The following AMOT variants were observed in gnomAD, a reference collection of about 807,000 sequenced individuals.
The protein encoded by AMOT is angiomotin.
A neutral mutation model predicts 67.0 loss-of-function variants in AMOT; 11 were observed. The ratio of observed to expected loss-of-function variants is 0.16; its 90% CI spans 0.10 to 0.27. AMOT has a LOEUF of 0.27. AMOT is among the 10% of genes least tolerant of loss of function. The pLI, the probability that AMOT is intolerant of heterozygous loss-of-function variation, is 1.00. For missense variants in AMOT, 753 were observed against 852.0 expected, an observed-to-expected ratio of 0.88 and a Z score of 1.45; for synonymous variants, 326 against 321.4, an observed-to-expected ratio of 1.01 and a Z score of -0.15.
chrX:112,833,662 C>CTAAT (rs1935060684), intron 1 of AMOT, among the ~76,000 whole-genome samples: 1 of 112,148 alleles, frequency 8.9e-6, no homozygotes, highest in South Asian at 3.7e-4. Flanking sequence ...TTCTATTTCC[C>CTAAT]TAATTCATAC....
intron 13 of AMOT, 75 bp from the exon 14 acceptor site, chrX:112,778,739 G>A: frequency 3.2e-6 from 3 of 949,404 alleles, no homozygotes; most frequent in Non-Finnish European, 4.4e-6. Context: ...GACACCATCA[G>A]AGCCCTCATG....
rs761953089 is a variant in AMOT at position 112,775,549 on chromosome X, G to A, written c.*3018C>T. On this transcript the variant is annotated 3_prime_UTR_variant, in exon 14 of 14. Coordinates refer to ENST00000371959, the MANE Select transcript of AMOT (RefSeq NM_001113490.2). Reference sequence around the variant, plus strand: ...TGGGTCTCTGGGTATCTTTCCTATGGCAGATGATGGCAGATATTTTAGGTT... The same window carrying A: ...TGGGTCTCTGGGTATCTTTCCTATGACAGATGATGGCAGATATTTTAGGTT... 4 of 111,917 alleles carry A rather than the reference G, an allele frequency of 3.6e-5. No homozygotes were observed. The highest frequency in any genetic ancestry group is 1.3e-4 in the African/African-American group (4 of 30,718). 9.2% of individuals were successfully genotyped at this position (111,917 alleles called of 1,213,427 possible). A position where few individuals can be genotyped will look rare whatever the true frequency, so the allele number is the denominator to read the frequency against.
rs1419201913 is a variant in AMOT, at chrX:112,805,102, C to T, written c.1631-10G>A. On this transcript the variant is annotated splice_polypyrimidine_tract_variant and intron_variant, in intron 7 of 13. Transcript: ENST00000371959. The stretch of plus-strand genomic sequence containing the variant: ...CGCTGGCTTTCTTTATCTGTCAGGA[C>T]ATTAAACATCAACACTGCCAGCCTG... 1 of 1,210,750 alleles carries T rather than the reference C, an allele frequency of 8.3e-7. No homozygotes were observed. The highest frequency in any genetic ancestry group is 1.1e-6 in the Non-Finnish European group (1 of 895,179).
chrX:112,798,373 A>G (rs1673251579), intron 8 of AMOT, among the ~76,000 whole-genome samples: 1 of 112,510 alleles, frequency 8.9e-6, no homozygotes, highest in Non-Finnish European at 1.9e-5. Flanking sequence ...GGATTCACTC[A>G]TTCATTCAAC....
Position 112,782,637 on chromosome X carries a change from G to C in AMOT, c.2143C>G (p.Pro715Ala). Reference sequence around the variant, plus strand: ...AGAGCTGTGTCATAGCTGGTGTTAGGAGAGTGACTGATGACTGTTGTGTCC... The same window carrying C: ...AGAGCTGTGTCATAGCTGGTGTTAGCAGAGTGACTGATGACTGTTGTGTCC... The part of the protein sequence containing the change: ...QRDTTVISHS[P>A]NTSYDTALEA... Residue 715 changes from proline (P) to alanine (A), a missense_variant, in exon 11 of 14, where the codon CCT becomes GCT. Physicochemically the swap from Pro to Ala is conservative, Grantham distance 27. This residue lies in a region of AMOT where 269 missense variants were observed against 300.9 expected (regional missense o/e 0.89). Coordinates refer to ENST00000371959, the MANE Select transcript of AMOT (RefSeq NM_001113490.2). 8.3e-7 allele frequency: 1 copy of C among 1,210,930 alleles called. No homozygotes were observed. The highest frequency in any genetic ancestry group is 1.1e-6 in the Non-Finnish European group (1 of 895,052).
chrX:112,795,276 ATGTG>A (rs1242256468), intron 8 of AMOT, among the ~76,000 whole-genome samples: 1 of 92,744 alleles, frequency 1.1e-5, no homozygotes, highest in Non-Finnish European at 2.1e-5. Context: ...GTGTGTGTGT[ATGTG>A]TATGTCACAT....
intron 1 of AMOT, among the ~76,000 whole-genome samples, chrX:112,833,062 T>C (rs1935034266): frequency 9.0e-6 from 1 of 111,655 alleles, no homozygotes; most frequent in Admixed American, 9.5e-5. Context: ...CCACAAATCA[T>C]ATAACCCAGC....
At chrX:112,786,868 T>A (rs1194330908) in intron 10 of AMOT, among the ~76,000 whole-genome samples, 1 of 112,421 alleles carries the variant, frequency 8.9e-6, no homozygotes, top group Admixed American at 9.4e-5. Context: ...AAATACTCAT[T>A]TTAGATATGC....
chrX:112,826,333 T>C (rs1164788433), intron 2 of AMOT, among the ~76,000 whole-genome samples: 1 of 112,520 alleles, frequency 8.9e-6, no homozygotes, highest in Non-Finnish European at 1.9e-5. Context: ...CATTCAAGTT[T>C]TTAAAAACTC....
At chrX:112,810,048 G>A (rs1004154384) in intron 6 of AMOT, 62 bp from the exon 7 acceptor site, 2 of 946,067 alleles carry the variant, frequency 2.1e-6, no homozygotes, top group African/African-American at 1.9e-5. Flanking sequence ...CATACTATTG[G>A]CCCTCTAAAT....
At chrX:112,779,831 TA>T (rs1370943216) in intron 12 of AMOT, 151 bp from the exon 13 acceptor site, 1 of 250,417 alleles carries the variant, frequency 4.0e-6, no homozygotes, top group Non-Finnish European at 6.4e-6. Flanking sequence ...TTATTATTTT[TA>T]AATATTAAAT....
At chrX:112,806,775 G>A (rs571376058) in intron 7 of AMOT, among the ~76,000 whole-genome samples, 33 of 111,954 alleles carry the variant, frequency 2.9e-4, no homozygotes, top group Middle Eastern at 4.6e-3. Context: ...GTGGCTGGCT[G>A]TACCTTGTTC....
At chrX:112,816,116 T>C (rs909153635) in intron 4 of AMOT, among the ~76,000 whole-genome samples, 9 of 111,500 alleles carry the variant, frequency 8.1e-5, no homozygotes, top group African/African-American at 2.9e-4. Flanking sequence ...TGTGATCCCA[T>C]GAGGGTCAGA....
At chrX:112,801,994 T>G (rs994848085) in intron 8 of AMOT, among the ~76,000 whole-genome samples, 3 of 112,510 alleles carry the variant, frequency 2.7e-5, no homozygotes, top group Non-Finnish European at 5.6e-5. Context: ...ATCACTAAAT[T>G]ATCTGTTTAT....
At chrX:112,814,180 G>C (rs1253217718) in intron 5 of AMOT, among the ~76,000 whole-genome samples, 5 of 110,157 alleles carry the variant, frequency 4.5e-5, no homozygotes, top group Admixed American at 3.8e-4. Flanking sequence ...GCTGAGGCAG[G>C]AGAACTGCTT....
rs1932936179 is a variant in AMOT at position 112,776,158 on chromosome X, T to C, written c.*2409A>G. 8.9e-6 allele frequency: 1 copy of C among 112,184 alleles called. No homozygotes were observed. Among genetic ancestry groups the C allele is most frequent in the Non-Finnish European group, 1.9e-5 (1 of 53,289 alleles). The allele number at this position is 112,184 out of a possible 1,213,427, so 9.2% of individuals were successfully genotyped here. On this transcript the variant is annotated 3_prime_UTR_variant, in exon 14 of 14. Transcript: ENST00000371959. ...TAGTACTCAGCCAAGAACTTCTTCCTTTCCCCAAAACACATGAGTCTAAAG... is the reference window on the plus strand; with the variant it reads ...TAGTACTCAGCCAAGAACTTCTTCCCTTCCCCAAAACACATGAGTCTAAAG...
At chrX:112,816,913 A>T (rs1183254934) in intron 4 of AMOT, among the ~76,000 whole-genome samples, 1 of 112,303 alleles carries the variant, frequency 8.9e-6, no homozygotes, top group Non-Finnish European at 1.9e-5. Context: ...TAAATAATTC[A>T]TACCTAATGA....
At chrX:112,816,825 G>A (rs1348580134) in intron 4 of AMOT, among the ~76,000 whole-genome samples, 1 of 112,104 alleles carries the variant, frequency 8.9e-6, no homozygotes, top group Non-Finnish European at 1.9e-5. Flanking sequence ...TCCAGAAAGA[G>A]ACCTTTGGTA....
At chrX:112,788,116 T>C (rs777575200) in intron 10 of AMOT, among the ~76,000 whole-genome samples, 7 of 109,856 alleles carry the variant, frequency 6.4e-5, no homozygotes, top group East Asian at 5.7e-4. Flanking sequence ...AATGAAACCC[T>C]GTCTCTACTA....
Sources: allele counts gnomAD v4.1 joint callset (sites outside exome capture counted in the v4.1 genomes callset), GRCh38; gene constraint gnomAD v4.1.1; regional missense constraint gnomAD v4.1.1; transcripts MANE v1.5; gene names NCBI Gene and HGNC (gene_info 2026-07-23, HGNC 2026-07-21).